The following ADGRA3 variants were observed in gnomAD, a reference collection of about 807,000 sequenced individuals.
ADGRA3 encodes G-protein coupled receptor 125.
A neutral mutation model predicts 119.8 loss-of-function variants in ADGRA3; 56 were observed. The observed-to-expected ratio is 0.47, with a 90% CI of 0.38 to 0.58. The LOEUF (loss-of-function observed/expected upper bound fraction) is 0.58, where lower values mean the gene tolerates loss of function less well. ADGRA3 is among the 20% of genes least tolerant of loss of function. ADGRA3 has a pLI of 0.00. For synonymous variants in ADGRA3, 607 were observed against 623.8 expected (o/e 0.97, Z 0.40); for missense variants, 1,516 against 1,649.0 (o/e 0.92, Z 1.40).
At position 22,388,744 on chromosome 4, in the gene ADGRA3, A is replaced by G. The variant is rs201849173; in HGVS notation, c.2927T>C (p.Met976Thr). 3.1e-6 allele frequency: 5 copies of G among 1,614,046 alleles called. No individual in the cohort carries two copies. In the South Asian group the frequency reaches 4.4e-5, roughly 14 times the overall value. Residue 976 changes from methionine to threonine, a missense_variant, in exon 19 of 19, where the codon ATG (methionine) becomes ACG (threonine). Physicochemically the swap from Met to Thr is moderately conservative, Grantham distance 81. Coordinates refer to ENST00000334304, the MANE Select transcript of ADGRA3 (RefSeq NM_145290.4). ...TGATGTAGAAATCAGAGACAAAGAC[A>G]TTGAATCCTGATGATTTATTTCGCC... is the stretch of plus-strand genomic sequence containing the variant. Reference protein sequence around the residue: ...ENGEINHQDSMSLSLISTSAL... With the variant: ...ENGEINHQDSTSLSLISTSAL...
chr4:22,400,897 T>C (rs1303050732), intron 16 of ADGRA3, among the ~76,000 whole-genome samples: 1 of 152,176 alleles, frequency 6.6e-6, no homozygotes, highest in Non-Finnish European at 1.5e-5. Flanking sequence ...TTTCTATTCA[T>C]AGATTGAAGA....
In ADGRA3 at chr4:22,392,654, C is replaced by T. The variant is rs1246728107; in HGVS notation, c.2518G>A (p.Val840Ile). ...CGAGCTGTCACTCCTACCCATAGTA[C>T]TGTGGCAAGGGTGGAATAGTGAAGA... ...IILHYSTLAT[V>I]LWVGVTARNI... is the part of the protein sequence containing the mutation. The change falls in exon 17 of 19, where the codon GTA becomes ATA. Residue 840 changes from valine to isoleucine, a missense_variant. Coordinates refer to ENST00000334304, the MANE Select transcript of ADGRA3 (RefSeq NM_145290.4). The T allele has an allele frequency of 1.9e-6, 3 of 1,613,672 alleles. No individual in the cohort carries two copies. The highest frequency in any genetic ancestry group is 1.7e-5 in the Admixed American group (1 of 59,972).
intron 1 of ADGRA3, among the ~76,000 whole-genome samples, chr4:22,511,799 C>T (rs1351916798): frequency 6.6e-6 from 1 of 152,104 alleles, no homozygotes; most frequent in East Asian, 1.9e-4. Flanking sequence ...CTGTCCTCTC[C>T]AAACCCGTGG....
chr4:22,515,758 G>A lies in ADGRA3; in HGVS notation c.27C>T (p.Gly9=). 9.8e-7 allele frequency: 1 copy of A among 1,022,112 alleles called. No homozygotes were observed. Among genetic ancestry groups the A allele is most frequent in the Non-Finnish European group, 1.2e-6 (1 of 858,446 alleles). The allele number at this position is 1,022,112 out of a possible 1,614,324, so 63.3% of individuals were successfully genotyped here. Reference sequence around the variant, plus strand: ...GCAGCAACAGCGGCGGCTGCGCGCGGCCCCGCCGGCGTCCGGGTGGCTCCA... The same window carrying A: ...GCAGCAACAGCGGCGGCTGCGCGCGACCCCGCCGGCGTCCGGGTGGCTCCA... MEPPGRRR[G]RAQPPLLLPL... is the part of the protein sequence containing the mutation. Residue 9 remains glycine (G), a synonymous_variant, in exon 1 of 19, where the codon GGC becomes GGT. Transcript: ENST00000334304.
intron 14 of ADGRA3, among the ~76,000 whole-genome samples, chr4:22,404,950 C>T (rs1005851154): frequency 7.2e-5 from 11 of 152,314 alleles, no homozygotes; most frequent in African/African-American, 2.6e-4. Context: ...AGTTTAGCTT[C>T]TCAAGTCCTT....
rs969658242 is a variant in ADGRA3, at chr4:22,469,091, G to A, written c.329+4681C>T. On this transcript the variant is annotated intron_variant, in intron 2 of 18. Transcript: ENST00000334304. ...GACCCCTTGGTTGATGTGACAGAAGGGCCTATGTACTCTTCCTGCAGATGT... is the reference window on the plus strand; with the variant it reads ...GACCCCTTGGTTGATGTGACAGAAGAGCCTATGTACTCTTCCTGCAGATGT... Among the ~76,000 whole-genome samples, 6 of 151,860 alleles carry A rather than the reference G, an allele frequency of 4.0e-5. No homozygotes were observed. The East Asian group carries it at 9.7e-4, about 25-fold the overall frequency.
chr4:22,473,685 G>A (rs1717933841), intron 2 of ADGRA3, 87 bp downstream of exon 2: 2 of 739,892 alleles, frequency 2.7e-6, no homozygotes, highest in African/African-American at 3.6e-5. Flanking sequence ...GAATAGCTGG[G>A]AATTTAGTCA....
At chr4:22,507,774 A>G (rs985345748) in intron 1 of ADGRA3, among the ~76,000 whole-genome samples, 1 of 152,144 alleles carries the variant, frequency 6.6e-6, no homozygotes, top group Non-Finnish European at 1.5e-5. Context: ...AAGATTTCTG[A>G]GCAATATTCC....
Position 22,454,890 on chromosome 4 carries a change from C to T in ADGRA3, c.449G>A (p.Arg150Gln), listed in dbSNP as rs1560326065. 6 of 1,613,548 alleles carry T rather than the reference C, an allele frequency of 3.7e-6. No homozygotes were observed. The highest frequency in any genetic ancestry group is 2.7e-5 in the African/African-American group (2 of 74,856). ...CAGCCGAACCAGATTGGTGAGTCCT[C>T]GAAATATGTCTGCATTCAGACATCC... ...RIGCLNADIF[R>Q]GLTNLVRLNL... is the part of the protein sequence containing the mutation. Residue 150 changes from arginine to glutamine, a missense_variant, in exon 4 of 19, where the codon CGA becomes CAA. Arg to Gln is a conservative substitution (Grantham distance 43). Transcript: ENST00000334304.
intron 13 of ADGRA3, 74 bp downstream of exon 13, chr4:22,413,527 A>T (rs1715303310): frequency 2.1e-6 from 3 of 1,440,402 alleles, no homozygotes; most frequent in Non-Finnish European, 2.9e-6. Context: ...CACTAAAATA[A>T]GCATTTTTAG....
intron 1 of ADGRA3, among the ~76,000 whole-genome samples, chr4:22,511,650 A>C (rs1719449438): frequency 6.6e-6 from 1 of 152,230 alleles, no homozygotes; most frequent in South Asian, 2.1e-4. Flanking sequence ...ACCTGGCCAC[A>C]CCTAAGTGAT....
intron 1 of ADGRA3, among the ~76,000 whole-genome samples, chr4:22,512,368 C>G (rs1437220640): frequency 1.3e-5 from 2 of 152,142 alleles, no homozygotes; most frequent in African/African-American, 4.8e-5. Context: ...ATGAATTTTT[C>G]TCCCCAAATA....
At chr4:22,421,639 G>T (rs1715686374) in intron 11 of ADGRA3, among the ~76,000 whole-genome samples, 1 of 152,124 alleles carries the variant, frequency 6.6e-6, no homozygotes, top group African/African-American at 2.4e-5. Context: ...GAAGACAGAT[G>T]TTAATTTAAA....
chr4:22,420,596 T>G (rs1715618580), intron 12 of ADGRA3: 1 of 450,132 alleles, frequency 2.2e-6, no homozygotes, highest in Non-Finnish European at 3.9e-6. Flanking sequence ...AAATAAGATT[T>G]TTTCACATGT....
chr4:22,447,955 A>C (rs1243236513), intron 4 of ADGRA3, among the ~76,000 whole-genome samples: 1 of 152,232 alleles, frequency 6.6e-6, no homozygotes, highest in African/African-American at 2.4e-5. Flanking sequence ...TAGCATACTA[A>C]ACATGACTGA....
Position 22,420,899 on chromosome 4 carries a change from CT to C in ADGRA3, c.1795del (p.Ser599ValfsTer4). 2 of 1,613,880 alleles carry C rather than the reference CT, an allele frequency of 1.2e-6. No homozygotes were observed. Among genetic ancestry groups the C allele is most frequent in the Non-Finnish European group, 1.7e-6 (2 of 1,179,808 alleles). ...FKCNVSNTFSSLALKNTIVEA... is the reference protein window; with the variant it reads ...FKCNVSNTFSXLALKNTIVEA... ...AATGTAACATACCTTTAGTGCCAGA[CT>C]CGAAAATGTATTTGAAACATTGCAC... On this transcript the variant is annotated frameshift_variant, in exon 12 of 19. Transcript: ENST00000334304. LOFTEE classifies it high-confidence loss of function.
At chr4:22,432,307 A>T (rs776923872) in intron 10 of ADGRA3, among the ~76,000 whole-genome samples, 1 of 152,132 alleles carries the variant, frequency 6.6e-6, no homozygotes, top group Non-Finnish European at 1.5e-5. Context: ...GGGAGGGGGA[A>T]CTCAGGCAGC....
intron 2 of ADGRA3, among the ~76,000 whole-genome samples, 191 bp from the exon 3 acceptor site, chr4:22,461,999 C>A (rs1717479789): frequency 6.6e-6 from 1 of 152,092 alleles, no homozygotes; most frequent in African/African-American, 2.4e-5. Context: ...ACAAATCTGG[C>A]TCCAAAGCCT....
intron 4 of ADGRA3, among the ~76,000 whole-genome samples, chr4:22,450,328 G>A (rs894786224): frequency 1.3e-5 from 2 of 151,280 alleles, no homozygotes; most frequent in African/African-American, 4.9e-5. Context: ...AGTGGATGGA[G>A]TACAGTGGCT....
Sources: allele counts gnomAD v4.1 joint callset (sites outside exome capture counted in the v4.1 genomes callset), GRCh38; gene constraint gnomAD v4.1.1; transcripts MANE v1.5; gene names NCBI Gene and HGNC (gene_info 2026-07-23, HGNC 2026-07-21).